Variants in MYH14 observed in about 807,000 individuals in gnomAD.
MYH14 encodes the protein myosin heavy chain 14.
MYH14 carries 123 observed loss-of-function variants against 255.5 expected under a neutral mutation model. The ratio of observed to expected loss-of-function variants is 0.48; its 90% confidence interval spans 0.42 to 0.56. The LOEUF is 0.56. Ranked by LOEUF, MYH14 falls within the 20% of genes least tolerant of loss-of-function variation. The probability of loss-of-function intolerance (pLI) is 0.00; values close to 1 mark genes in which losing one functional copy is unlikely to be tolerated. For synonymous variants in MYH14, 1,095 were observed against 1,161.2 expected, an observed-to-expected ratio of 0.94 and a Z score of 1.16; for missense variants, 2,423 against 2,802.3, an observed-to-expected ratio of 0.86 and a Z score of 3.06.
Position 50,223,362 on chromosome 19 carries a change from G to A in MYH14, c.693+13G>A, listed in dbSNP as rs765095537. 4.6e-5 allele frequency: 71 copies of A among 1,544,034 alleles called. 1 individual carries two copies. The South Asian group carries it at 6.0e-4, about 13-fold the overall frequency. On this transcript the variant is annotated intron_variant, in intron 5 of 42. Coordinates refer to ENST00000642316, the MANE Select transcript of MYH14 (RefSeq NM_001145809.2). ...GCCGGGTGTCCCCGTAAGCAACCCC[G>A]CCTTGGGTCACCCCCGGGCCCTGCC...
rs773845578 is a variant in MYH14, at chr19:50,257,377, T to C, written c.2123T>C (p.Phe708Ser). ...GGTGGCCGCCCCCGTCGGGGTATGT[T>C]CCGGACAGTGGGACAGCTCTACAAG... ...PPGGRPRRGM[F>S]RTVGQLYKES... The change falls in exon 18 of 43, where the codon TTC becomes TCC. Residue 708 changes from phenylalanine (F) to serine (S), a missense_variant. Phe to Ser is a radical substitution (Grantham distance 155). This residue lies in a region of MYH14 where 672 missense variants were observed against 881.8 expected (regional missense o/e 0.76). Transcript: ENST00000642316. 2 of 1,608,826 alleles carry C rather than the reference T, an allele frequency of 1.2e-6. No individual in the cohort carries two copies.
intron 33 of MYH14, chr19:50,284,875 T>G (rs1601023791): frequency 6.6e-6 from 1 of 151,948 alleles, no homozygotes. Flanking sequence ...TGAAAGTCAT[T>G]TTTCTTCTTC....
At chr19:50,268,012 G>A in intron 23 of MYH14, 149 bp from the exon 24 acceptor site, 1 of 942,834 alleles carries the variant, frequency 1.1e-6, no homozygotes. Flanking sequence ...GACCTGAGGG[G>A]GAGGAGGTGG....
chr19:50,266,837 G>T lies in MYH14; in HGVS notation c.2695-40G>T. ...CCCACTAAGAGTGTGAGGTCTTGGCGCCTGAAGTCAGCCATTCCACCCCTT... is the reference window on the plus strand; with the variant it reads ...CCCACTAAGAGTGTGAGGTCTTGGCTCCTGAAGTCAGCCATTCCACCCCTT... On this transcript the variant is annotated intron_variant, in intron 22 of 42. Coordinates refer to ENST00000642316, the MANE Select transcript of MYH14 (RefSeq NM_001145809.2). This position sits in a 1 kb window ranked among gnomAD's most constrained non-coding sequence, Gnocchi z 4.1. 1 of 1,551,024 alleles carries T rather than the reference G, an allele frequency of 6.4e-7. No homozygotes were observed. The highest frequency in any genetic ancestry group is 1.4e-5 in the African/African-American group (1 of 73,164).
chr19:50,276,997 C>G lies in MYH14; in HGVS notation c.3825+96C>G. 1.1e-6 allele frequency: 1 copy of G among 894,576 alleles called. No individual in the cohort carries two copies. Among genetic ancestry groups the G allele is most frequent in the Non-Finnish European group, 1.7e-6 (1 of 585,984 alleles). 55.4% of individuals were successfully genotyped at this position (894,576 alleles called of 1,614,324 possible). On this transcript the variant is annotated intron_variant, in intron 29 of 42. Coordinates refer to ENST00000642316, the MANE Select transcript of MYH14 (RefSeq NM_001145809.2). This position sits in a 1 kb window ranked among gnomAD's most constrained non-coding sequence, Gnocchi z 4.3. ...GTACCGCTGGCTGGTTCTAGGCTAG[C>G]TCATCTCCCTGGGCCCCTTTCCTCA...
At chr19:50,217,452 T>A in intron 2 of MYH14, among the ~76,000 whole-genome samples, 163 bp from the exon 3 acceptor site, 1 of 152,218 alleles carries the variant, frequency 6.6e-6, no homozygotes, top group East Asian at 1.9e-4. Flanking sequence ...ACCATCAGCC[T>A]GAAAATGCTC....
chr19:50,214,191 T>C (rs1228617080), intron 2 of MYH14, among the ~76,000 whole-genome samples: 1 of 152,176 alleles, frequency 6.6e-6, no homozygotes, highest in Non-Finnish European at 1.5e-5. Context: ...GCACCTTATG[T>C]AGGAAGCACT....
intron 12 of MYH14, among the ~76,000 whole-genome samples, chr19:50,247,967 C>T (rs542193439): frequency 3.3e-5 from 5 of 150,048 alleles, no homozygotes; most frequent in Admixed American, 1.3e-4. Flanking sequence ...GGCTGAGACA[C>T]GAGGATCACT....
In MYH14 at chr19:50,271,983, G is replaced by T; in HGVS notation, c.3295+11G>T. 6.2e-7 allele frequency: 1 copy of T among 1,605,338 alleles called. No homozygotes were observed. Among genetic ancestry groups the T allele is most frequent in the Non-Finnish European group, 8.5e-7 (1 of 1,176,210 alleles). The stretch of plus-strand genomic sequence containing the variant: ...TCGCAGACATGGAGGGTGAGCTCCC[G>T]CCCAGCCAGTAGGGGTCTGTGTGTG... On this transcript the variant is annotated intron_variant, in intron 26 of 42. Transcript: ENST00000642316.
intron 10 of MYH14, among the ~76,000 whole-genome samples, chr19:50,232,356 C>T (rs1389016141): frequency 6.6e-6 from 1 of 152,148 alleles, no homozygotes; most frequent in African/African-American, 2.4e-5. Context: ...CTTTGGGAGT[C>T]CCAGGCAGGT....
At chr19:50,206,060 T>C (rs2031729205) in intron 1 of MYH14, among the ~76,000 whole-genome samples, 1 of 151,896 alleles carries the variant, frequency 6.6e-6, no homozygotes, top group Non-Finnish European at 1.5e-5. Context: ...TGAGGAAGGG[T>C]AGGGCAGTCA....
At chr19:50,277,871 C>T (rs184128648) in intron 29 of MYH14, among the ~76,000 whole-genome samples, 1 of 151,182 alleles carries the variant, frequency 6.6e-6, no homozygotes, top group Non-Finnish European at 1.5e-5. Context: ...GAGCAGAGAT[C>T]GTGCCTTTGC....
chr19:50,223,820 CA>C (rs1331096107), intron 5 of MYH14, among the ~76,000 whole-genome samples: 1 of 152,082 alleles, frequency 6.6e-6, no homozygotes, highest in Non-Finnish European at 1.5e-5. Flanking sequence ...GGAAGAGGTA[CA>C]GTGAGGCCGG....
rs1568534595 is a variant in MYH14 at position 50,280,775 on chromosome 19, T to C, written c.4290+392T>C. On this transcript the variant is annotated intron_variant, in intron 32 of 42. Coordinates refer to ENST00000642316, the MANE Select transcript of MYH14 (RefSeq NM_001145809.2). This position sits in a 1 kb window ranked among gnomAD's most constrained non-coding sequence, Gnocchi z 4.8. ...CAGCTCTCCCACGCCTCCCCAGTAC[T>C]CCTAGACAAAGTCCATGCCTCTCAG... 6.6e-6 allele frequency among the ~76,000 whole-genome samples: 1 copy of C among 152,204 alleles called. No individual in the cohort carries two copies. Among genetic ancestry groups the C allele is most frequent in the Non-Finnish European group, 1.5e-5 (1 of 68,032 alleles).
chr19:50,233,164 C>T (rs2033490321), intron 10 of MYH14, among the ~76,000 whole-genome samples: 1 of 151,610 alleles, frequency 6.6e-6, no homozygotes, highest in African/African-American at 2.4e-5. Context: ...GTGCTGTGCC[C>T]ACCCCCACTT....
rs567136381 is a variant in MYH14, at chr19:50,216,894, G to A, written c.406-721G>A. On this transcript the variant is annotated intron_variant, in intron 2 of 42. Transcript: ENST00000642316. ...GCAATCTTGGCTTACTGCAACCTCC[G>A]CCTGCCAGGTTCAAACAATTCTTCT... is the stretch of plus-strand genomic sequence containing the variant. 1.1e-4 allele frequency among the ~76,000 whole-genome samples: 16 copies of A among 139,980 alleles called. 1 individual carries two copies. In the South Asian group the frequency reaches 3.6e-3, roughly 32 times the overall value. 91.8% of individuals were successfully genotyped at this position (139,980 alleles called of 152,430 possible). A position where few individuals can be genotyped will look rare whatever the true frequency, so the allele number is the denominator to read the frequency against.
chr19:50,242,938 A>C (rs1022232375), intron 10 of MYH14, among the ~76,000 whole-genome samples: 3 of 152,072 alleles, frequency 2.0e-5, no homozygotes, highest in African/African-American at 7.2e-5. Flanking sequence ...CACTGTCTCA[A>C]ATGTCCCCTG....
At chr19:50,255,185 C>A in intron 16 of MYH14, 35 bp from the exon 17 acceptor site, 1 of 1,409,210 alleles carries the variant, frequency 7.1e-7, no homozygotes, top group Non-Finnish European at 9.8e-7. Context: ...GCCATCTCCC[C>A]TCCACCCACC....
chr19:50,209,680 A>G (rs1469074419), intron 1 of MYH14, among the ~76,000 whole-genome samples: 6 of 151,236 alleles, frequency 4.0e-5, no homozygotes, highest in Non-Finnish European at 8.8e-5. Flanking sequence ...GCTACTCAGG[A>G]GGCTGAGGCA....
Sources: gnomAD v4.1 joint callset for allele counts (sites outside exome capture counted in the v4.1 genomes callset) on GRCh38, gnomAD v4.1.1 for gene constraint, gnomAD v4.1.1 regional missense constraint, Gnocchi (gnomAD v3.1) non-coding constraint, MANE v1.5 for transcripts, NCBI Gene and HGNC (gene_info 2026-07-23, HGNC 2026-07-21) for gene names.